The following WDR7 variants were observed in gnomAD, a reference collection of about 807,000 sequenced individuals.
WDR7 encodes the protein WD repeat-containing protein 7.
In WDR7, 46 loss-of-function variants were observed where a neutral mutation model predicts 169.4. The observed-to-expected ratio is 0.27, with a 90% CI of 0.21 to 0.35. The LOEUF (loss-of-function observed/expected upper bound fraction) is 0.35, where lower values mean the gene tolerates loss of function less well. WDR7 is among the 10% of genes least tolerant of loss of function. The probability of loss-of-function intolerance (pLI) is 1.00; values close to 1 mark genes in which losing one functional copy is unlikely to be tolerated. For missense variants in WDR7, 1,534 were observed against 1,859.3 expected (o/e 0.83, Z 3.22); for synonymous variants, 612 against 666.8 (o/e 0.92, Z 1.27).
chr18:56,703,291 T>G (rs1171775045), intron 12 of WDR7, among the ~76,000 whole-genome samples: 1 of 152,190 alleles, frequency 6.6e-6, no homozygotes, highest in Non-Finnish European at 1.5e-5. Flanking sequence ...GTAAGGGCAA[T>G]TGACAAATTA....
At chr18:56,872,540 T>G (rs1034766729) in intron 20 of WDR7, 4 of 152,234 alleles carry the variant, frequency 2.6e-5, no homozygotes, top group African/African-American at 9.6e-5. Flanking sequence ...AATTGTTGTT[T>G]TAATCAAAAT....
At chr18:56,824,950 AG>A (rs2045171249) in intron 20 of WDR7, among the ~76,000 whole-genome samples, 1 of 152,230 alleles carries the variant, frequency 6.6e-6, no homozygotes, top group South Asian at 2.1e-4. Context: ...TTGCACGAGC[AG>A]AGAACTAGAC....
At chr18:57,033,798 GCTT>G (rs2048454588), downstream of WDR7, 1 of 152,006 alleles carries the variant, frequency 6.6e-6, no homozygotes, top group South Asian at 2.1e-4. Flanking sequence ...CCAAGGTCAT[GCTT>G]CCTTTCCTGG....
intron 22 of WDR7, among the ~76,000 whole-genome samples, chr18:56,934,932 G>A (rs763916004): frequency 2.0e-5 from 3 of 152,072 alleles, no homozygotes; most frequent in African/African-American, 2.4e-5. Flanking sequence ...GGCAGATCAC[G>A]TGCCACATTT....
At chr18:57,001,237 T>C (rs1248667701) in intron 26 of WDR7, among the ~76,000 whole-genome samples, 1 of 152,164 alleles carries the variant, frequency 6.6e-6, no homozygotes, top group African/African-American at 2.4e-5. Context: ...CATACACAAA[T>C]CTACTAGAGA....
intron 4 of WDR7, 33 bp from the exon 5 acceptor site, chr18:56,682,646 C>G (rs767953503): frequency 6.3e-7 from 1 of 1,597,788 alleles, no homozygotes; most frequent in Admixed American, 1.8e-5. Flanking sequence ...GGAGAACACT[C>G]AGAAATCTTT....
intron 21 of WDR7, among the ~76,000 whole-genome samples, chr18:56,900,185 A>G (rs1383251743): frequency 6.6e-6 from 1 of 151,576 alleles, no homozygotes; most frequent in Non-Finnish European, 1.5e-5. Flanking sequence ...CTTGTCATCT[A>G]TAGAGTAGAC....
chr18:56,913,822 T>TCAGA (rs113343652), intron 21 of WDR7, among the ~76,000 whole-genome samples: 122,952 of 151,468 alleles, frequency 0.81, 50,348 homozygotes, highest in East Asian at 0.98. Flanking sequence ...AATCCAGAAT[T>TCAGA]CAGTTATCAC....
chr18:56,813,597 C>A (rs887133950), intron 19 of WDR7, among the ~76,000 whole-genome samples: 2 of 151,792 alleles, frequency 1.3e-5, no homozygotes, highest in Non-Finnish European at 2.9e-5. Flanking sequence ...CCAGTTGAAC[C>A]CCTTTCATGC....
intron 20 of WDR7, among the ~76,000 whole-genome samples, chr18:56,848,250 G>C (rs528652103): frequency 6.6e-6 from 1 of 152,302 alleles, no homozygotes; most frequent in East Asian, 1.9e-4. Context: ...TTTCAGACTT[G>C]CATGGGGCCT....
At chr18:57,035,423 T>C in the WDR7 span, 1 of 152,006 alleles carries the variant, frequency 6.6e-6, no homozygotes, top group Admixed American at 6.6e-5. Context: ...TTGGAGAAAA[T>C]GGTGGCTGAC....
intron 26 of WDR7, among the ~76,000 whole-genome samples, chr18:56,979,698 T>C (rs189875638): frequency 1.3e-5 from 2 of 152,322 alleles, no homozygotes; most frequent in Non-Finnish European, 2.9e-5. Context: ...CAAATAGTAT[T>C]TACCACCTAC....
At chr18:57,035,611 A>G in the WDR7 span, 1 of 152,258 alleles carries the variant, frequency 6.6e-6, no homozygotes, top group Non-Finnish European at 1.5e-5. Context: ...AAGGTGCTAG[A>G]AGGGCACCCA....
intron 26 of WDR7, among the ~76,000 whole-genome samples, chr18:56,993,591 C>G (rs1220037606): frequency 6.6e-6 from 1 of 152,214 alleles, no homozygotes; most frequent in Non-Finnish European, 1.5e-5. Context: ...TTCCCTCCAT[C>G]TCCCAGGATA....
chr18:56,785,619 G>A (rs1311269674), intron 19 of WDR7, among the ~76,000 whole-genome samples: 1 of 152,152 alleles, frequency 6.6e-6, no homozygotes, highest in Non-Finnish European at 1.5e-5. Flanking sequence ...TCTTAGAGAT[G>A]AAGTTTAATG....
chr18:56,820,802 A>T (rs1255373342), intron 20 of WDR7, among the ~76,000 whole-genome samples: 1 of 151,930 alleles, frequency 6.6e-6, no homozygotes, highest in Non-Finnish European at 1.5e-5. Context: ...ATAGAATCAA[A>T]TTTTTTTTGT....
intron 16 of WDR7, among the ~76,000 whole-genome samples, chr18:56,761,461 G>GT (rs1211794547): frequency 1.3e-5 from 2 of 152,026 alleles, no homozygotes; most frequent in Non-Finnish European, 2.9e-5. Flanking sequence ...TTTAAAGTGT[G>GT]TCTTGGCTTC....
chr18:56,849,663 T>C (rs2045614537), intron 20 of WDR7, among the ~76,000 whole-genome samples: 1 of 152,216 alleles, frequency 6.6e-6, no homozygotes, highest in Non-Finnish European at 1.5e-5. Flanking sequence ...CTATAGACCA[T>C]TTGCTACACA....
chr18:56,853,641 G>A (rs891480714), intron 20 of WDR7, among the ~76,000 whole-genome samples: 9 of 152,080 alleles, frequency 5.9e-5, no homozygotes, highest in Admixed American at 1.3e-4. Context: ...TTCTTGTCTT[G>A]TTACATTCCC....
Sources: allele counts gnomAD v4.1 joint callset (sites outside exome capture counted in the v4.1 genomes callset), GRCh38; gene constraint gnomAD v4.1.1; transcripts MANE v1.5; gene names NCBI Gene and HGNC (gene_info 2026-07-23, HGNC 2026-07-21).